GSE1: variants seen among roughly 807,000 people sequenced by gnomAD.
The protein encoded by GSE1 is genetic suppressor element 1.
A neutral mutation model predicts 112.6 loss-of-function variants in GSE1; 32 were observed. The ratio of observed to expected loss-of-function variants is 0.28; its 90% CI spans 0.21 to 0.38. The LOEUF (loss-of-function observed/expected upper bound fraction) is 0.38, where lower values mean the gene tolerates loss of function less well. Among genes scored for constraint, GSE1 ranks in the 10% least tolerant of loss-of-function variants. The pLI is 1.00. For synonymous variants in GSE1, 1,115 were observed against 735.6 expected (o/e 1.52, Z -8.35); for missense variants, 2,348 against 1,699.2 (o/e 1.38, Z -6.71).
intron 1 of GSE1, among the ~76,000 whole-genome samples, chr16:85,342,778 G>T (rs1052247610): frequency 6.6e-6 from 1 of 152,006 alleles, no homozygotes. Context: ...CAGAGGAGGC[G>T]ATGGTAGGGT....
intron 1 of GSE1, among the ~76,000 whole-genome samples, chr16:85,265,424 G>T (rs763313824): frequency 4.6e-5 from 7 of 152,136 alleles, no homozygotes; most frequent in Non-Finnish European, 1.0e-4. Flanking sequence ...GACCGCCCCA[G>T]ACCCGCGCTA....
intron 2 of GSE1, among the ~76,000 whole-genome samples, chr16:85,479,640 C>A (rs1020755496): frequency 2.6e-5 from 4 of 152,148 alleles, no homozygotes; most frequent in African/African-American, 9.7e-5. Context: ...GTTTTCAATT[C>A]GCTGAGTGTC....
At chr16:85,534,104 G>T (rs1300807439) in intron 2 of GSE1, among the ~76,000 whole-genome samples, 4 of 147,812 alleles carry the variant, frequency 2.7e-5, no homozygotes, top group Admixed American at 6.9e-5. Context: ...CATCCCTTTA[G>T]GCTAGTTTTT....
At chr16:85,234,334 A>ATCTTGG (rs1447414905) in intron 1 of GSE1, among the ~76,000 whole-genome samples, 1 of 152,026 alleles carries the variant, frequency 6.6e-6, no homozygotes, top group African/African-American at 2.4e-5. Context: ...GGGCTCCACC[A>ATCTTGG]TCTTGGTCTT....
At chr16:85,348,160 C>T (rs180874796) in intron 1 of GSE1, among the ~76,000 whole-genome samples, 3 of 152,286 alleles carry the variant, frequency 2.0e-5, no homozygotes, top group East Asian at 3.9e-4. Flanking sequence ...TCCATCCATC[C>T]ATCATCCATC....
At chr16:85,403,375 G>T (rs776036775) in intron 2 of GSE1, among the ~76,000 whole-genome samples, 1 of 152,212 alleles carries the variant, frequency 6.6e-6, no homozygotes. Context: ...CCACCAGGAG[G>T]CGTGGTCATT....
chr16:85,621,110 T>C (rs1324739635), intron 1 of GSE1, among the ~76,000 whole-genome samples: 1 of 151,266 alleles, frequency 6.6e-6, no homozygotes, highest in Admixed American at 6.6e-5. Context: ...CCCGTGTAGA[T>C]GGTCTTGGCC....
chr16:85,259,080 T>G lies in GSE1; in HGVS notation c.2283+87273T>G, dbSNP rs948613628. Among the ~76,000 whole-genome samples, 3 of 152,228 alleles carry G rather than the reference T, an allele frequency of 2.0e-5. No homozygotes were observed. In the East Asian group the frequency reaches 5.8e-4, roughly 30 times the overall value. The stretch of plus-strand genomic sequence containing the variant: ...GGAGAGAGGAGGGGGCCTTGACCTC[T>G]GCCCGGGCAGGATAGGGGCTCAGTG... On this transcript the variant is annotated intron_variant, in intron 1 of 2. Transcript: ENST00000637419.
chr16:85,525,256 C>CT (rs1164987370), intron 2 of GSE1, among the ~76,000 whole-genome samples: 1 of 152,056 alleles, frequency 6.6e-6, no homozygotes, highest in African/African-American at 2.4e-5. Context: ...CTTGTCCCCC[C>CT]CCCACTGATG....
Position 85,435,537 on chromosome 16 carries a change from G to C in GSE1, c.2464+77894G>C, listed in dbSNP as rs553646281. ...CCATCTGACTTCTGGGGCGGGTCCT[G>C]GGGGAGGGGCTGGGGGCTGAGGGAG... On this transcript the variant is annotated intron_variant, in intron 2 of 2. Coordinates refer to the GSE1 transcript ENST00000637419. Among the ~76,000 whole-genome samples, 372 of 152,268 alleles carry C rather than the reference G, an allele frequency of 2.4e-3. 18 individuals are homozygous for C. In the South Asian group the frequency reaches 0.075, roughly 31 times the overall value.
rs1335650025 is a variant in GSE1, at chr16:85,676,175, C to T, written c.*3636C>T. ...ATATTGCTGTAATTTCTGACAACAT[C>T]CAAAAAATAAAATCTTCCTAAATTA... On this transcript the variant is annotated 3_prime_UTR_variant, in exon 16 of 16. Coordinates refer to ENST00000253458, the MANE Select transcript of GSE1 (RefSeq NM_014615.5). 1 of 152,564 alleles carries T rather than the reference C, an allele frequency of 6.6e-6. No individual in the cohort carries two copies. The highest frequency in any genetic ancestry group is 1.5e-5 in the Non-Finnish European group (1 of 68,032). 9.5% of individuals were successfully genotyped at this position (152,564 alleles called of 1,614,324 possible).
chr16:85,545,821 C>T (rs1307132215), intron 2 of GSE1, among the ~76,000 whole-genome samples: 2 of 152,154 alleles, frequency 1.3e-5, no homozygotes, highest in Admixed American at 6.5e-5. Context: ...GTCTCACTGT[C>T]GCCCAGGCTG....
intron 1 of GSE1, among the ~76,000 whole-genome samples, chr16:85,331,412 TGC>T (rs377178735): frequency 6.0e-4 from 82 of 137,366 alleles, no homozygotes; most frequent in Middle Eastern, 3.7e-3. Context: ...TGTATATATA[TGC>T]GTATATATGT....
At chr16:85,420,410 T>C (rs1266941507) in intron 2 of GSE1, among the ~76,000 whole-genome samples, 1 of 152,112 alleles carries the variant, frequency 6.6e-6, no homozygotes, top group African/African-American at 2.4e-5. Context: ...CCTGGAAAGC[T>C]AACACAGGAT....
chr16:85,592,009 G>A (rs1381562747), intron 1 of GSE1, among the ~76,000 whole-genome samples: 2 of 152,174 alleles, frequency 1.3e-5, no homozygotes, highest in Non-Finnish European at 2.9e-5. Context: ...TTTAATTCAC[G>A]TCAGTTTAAG....
chr16:85,337,462 C>A (rs944584318), intron 1 of GSE1, among the ~76,000 whole-genome samples: 1 of 151,962 alleles, frequency 6.6e-6, no homozygotes, highest in Non-Finnish European at 1.5e-5. Flanking sequence ...CCCGCCACCA[C>A]GCCCGGCTAA....
intron 1 of GSE1, among the ~76,000 whole-genome samples, chr16:85,232,057 G>A (rs1375026526): frequency 6.6e-6 from 1 of 152,240 alleles, no homozygotes; most frequent in Admixed American, 6.5e-5. Context: ...CCCCCACAGT[G>A]AGAGGCGGTG....
chr16:85,584,404 C>T (rs757693796), intron 1 of GSE1, among the ~76,000 whole-genome samples: 11 of 152,228 alleles, frequency 7.2e-5, no homozygotes, highest in East Asian at 3.9e-4. Context: ...CTTCCCTCCA[C>T]GCTGCCTCTA....
intron 2 of GSE1, among the ~76,000 whole-genome samples, chr16:85,647,234 C>T (rs1185299547): frequency 1.3e-5 from 2 of 152,184 alleles, no homozygotes; most frequent in East Asian, 3.9e-4. Flanking sequence ...CACCCAGGCC[C>T]AAAGCCCTCC....
Sources: allele counts gnomAD v4.1 joint callset (sites outside exome capture counted in the v4.1 genomes callset), GRCh38; gene constraint gnomAD v4.1.1; transcripts MANE v1.5; gene names NCBI Gene and HGNC (gene_info 2026-07-23, HGNC 2026-07-21).